CDK15: variants seen among roughly 807,000 people sequenced by gnomAD.
The protein encoded by CDK15 is cyclin dependent kinase 15.
Under a neutral mutation model 60.3 loss-of-function variants are expected in CDK15, and 62 were observed. The ratio of observed to expected loss-of-function variants is 1.03; its 90% confidence interval spans 0.84 to 1.27. The LOEUF is 1.27. Among genes scored for constraint, CDK15 ranks in the 50% most tolerant of loss-of-function variants. The pLI is 0.00. For missense variants in CDK15, 541 were observed against 527.8 expected, an observed-to-expected ratio of 1.03 and a Z score of -0.25; for synonymous variants, 194 against 195.7, an observed-to-expected ratio of 0.99 and a Z score of 0.07.
intron 6 of CDK15, 138 bp from the exon 7 acceptor site, chr2:201,833,710 C>CTTCTT: frequency 1.6e-6 from 1 of 617,480 alleles, no homozygotes; most frequent in Non-Finnish European, 2.4e-6. Flanking sequence ...TCTTCTTCTT[C>CTTCTT]TTCTTCTTTT....
intron 6 of CDK15, among the ~76,000 whole-genome samples, chr2:201,829,847 G>A (rs1263785034): frequency 3.3e-5 from 5 of 151,880 alleles, no homozygotes; most frequent in African/African-American, 1.2e-4. Context: ...TCGCTCTGCT[G>A]CCCAGGCTGG....
At chr2:201,853,596 AG>A (rs1698002601) in intron 9 of CDK15, among the ~76,000 whole-genome samples, 1 of 152,130 alleles carries the variant, frequency 6.6e-6, no homozygotes, top group Admixed American at 6.5e-5. Flanking sequence ...AAAGAGTTAT[AG>A]TGAGATATGC....
intron 10 of CDK15, among the ~76,000 whole-genome samples, chr2:201,864,348 C>T (rs1168539545): frequency 1.3e-5 from 2 of 152,138 alleles, no homozygotes; most frequent in African/African-American, 4.8e-5. Flanking sequence ...GATGAAGTCT[C>T]ACTCTGTCAC....
At chr2:201,873,184 C>T (rs1698923611) in intron 11 of CDK15, among the ~76,000 whole-genome samples, 1 of 152,162 alleles carries the variant, frequency 6.6e-6, no homozygotes, top group South Asian at 2.1e-4. Flanking sequence ...TAAAAAGCCT[C>T]CACGTAGAAT....
intron 13 of CDK15, among the ~76,000 whole-genome samples, chr2:201,893,066 G>A (rs1366751254): frequency 6.6e-6 from 1 of 152,128 alleles, no homozygotes; most frequent in Non-Finnish European, 1.5e-5. Flanking sequence ...AGTTGGTGGT[G>A]GTGAGTTACA....
chr2:201,808,021 GC>G, intron 3 of CDK15, 69 bp downstream of exon 3: 1 of 1,354,490 alleles, frequency 7.4e-7, no homozygotes, highest in Non-Finnish European at 1.0e-6. Context: ...ATATTATAAA[GC>G]CAGGTGAGAC....
At chr2:201,807,260 T>C (rs1389225185) in intron 1 of CDK15, among the ~76,000 whole-genome samples, 1 of 152,156 alleles carries the variant, frequency 6.6e-6, no homozygotes, top group Non-Finnish European at 1.5e-5. Context: ...AGATTTAGGT[T>C]AACCTGAATG....
At position 201,823,696 on chromosome 2, in the gene CDK15, A is replaced by G. The variant is rs753282798; in HGVS notation, c.575A>G (p.His192Arg). 1.2e-6 allele frequency: 2 copies of G among 1,613,934 alleles called. No homozygotes were observed. Among genetic ancestry groups the G allele is most frequent in the Non-Finnish European group, 1.7e-6 (2 of 1,179,908 alleles). Residue 192 changes from histidine to arginine, a missense_variant, in exon 6 of 14, where the codon CAT (histidine) becomes CGT (arginine). Coordinates refer to ENST00000652192, the MANE Select transcript of CDK15 (RefSeq NM_001366386.2). ...GACCTGGCCCAGTATATGTCTCAGC[A>G]TCCAGGAGGGCTTCATCCTCATAAT... is the stretch of plus-strand genomic sequence containing the variant. The part of the protein sequence containing the change: ...HTDLAQYMSQ[H>R]PGGLHPHNVR...
At chr2:201,811,262 T>C in intron 3 of CDK15, among the ~76,000 whole-genome samples, 1 of 151,774 alleles carries the variant, frequency 6.6e-6, no homozygotes, top group Non-Finnish European at 1.5e-5. Flanking sequence ...GCCATTCTCC[T>C]GCCTCAGCCT....
At chr2:201,889,833 T>G (rs1699580950) in intron 12 of CDK15, among the ~76,000 whole-genome samples, 1 of 152,028 alleles carries the variant, frequency 6.6e-6, no homozygotes, top group Non-Finnish European at 1.5e-5. Context: ...GTGGATCACC[T>G]GAGGTCAGGA....
chr2:201,886,950 A>G (rs894875839), intron 12 of CDK15, among the ~76,000 whole-genome samples: 1 of 152,250 alleles, frequency 6.6e-6, no homozygotes, highest in African/African-American at 2.4e-5. Context: ...CGGGAGCCAT[A>G]AAAATGATCA....
In CDK15 at chr2:201,872,340, CAGG is replaced by C; in HGVS notation, c.1058+16_1058+18del. On this transcript the variant is annotated intron_variant, in intron 11 of 13. Coordinates refer to ENST00000652192, the MANE Select transcript of CDK15 (RefSeq NM_001366386.2). ...TGTCTGGAACAGGTGAGTACTACCT[CAGG>C]AAGGGATCTTTAAGGGATCTTTAAG... The C allele has an allele frequency of 6.2e-7, 1 of 1,612,632 alleles. No homozygotes were observed. The highest frequency in any genetic ancestry group is 8.5e-7 in the Non-Finnish European group (1 of 1,178,966).
At chr2:201,859,966 C>A (rs901401441) in intron 10 of CDK15, among the ~76,000 whole-genome samples, 1 of 152,194 alleles carries the variant, frequency 6.6e-6, no homozygotes. Context: ...GTTGTCCAGT[C>A]ACCATCTCAT....
chr2:201,807,598 C>T lies in CDK15; in HGVS notation c.228C>T (p.Asn76=), dbSNP rs1559110679. The T allele has an allele frequency of 3.1e-6, 5 of 1,614,142 alleles. No individual in the cohort carries two copies. In the South Asian group the frequency reaches 5.5e-5, roughly 18 times the overall value. Residue 76 remains asparagine, a synonymous_variant, in exon 2 of 14, where the codon AAC becomes AAT. Transcript: ENST00000652192. ...QKFKSKRPRS[N]SDCFQEEDLR... is the part of the protein sequence containing the mutation. ...TCAAGAGTAAAAGGCCACGGAGTAA[C>T]AGTGATTGTTTTCAGGAAGAGGATC...
At chr2:201,876,799 T>C (rs1699096402) in intron 11 of CDK15, among the ~76,000 whole-genome samples, 1 of 152,088 alleles carries the variant, frequency 6.6e-6, no homozygotes, top group Non-Finnish European at 1.5e-5. Flanking sequence ...AAAAACCTGT[T>C]CTTATTTTAT....
rs1699725775 is a variant in CDK15 at position 201,894,551 on chromosome 2, G to A, written c.*1284G>A. On this transcript the variant is annotated 3_prime_UTR_variant, in exon 14 of 14. Transcript: ENST00000652192. ...GGTGTGCTACAAGGTTCAGTCTTGA[G>A]TCCTATTCTGGTCAAATATTTTTAT... 6.6e-6 allele frequency: 1 copy of A among 152,200 alleles called. No individual in the cohort carries two copies. The highest frequency in any genetic ancestry group is 1.5e-5 in the Non-Finnish European group (1 of 68,042). The allele number at this position is 152,200 out of a possible 1,614,324, so 9.4% of individuals were successfully genotyped here. A position where few individuals can be genotyped will look rare whatever the true frequency, so the allele number is the denominator to read the frequency against.
At chr2:201,840,087 C>T (rs1056441224) in intron 8 of CDK15, among the ~76,000 whole-genome samples, 7 of 151,964 alleles carry the variant, frequency 4.6e-5, no homozygotes, top group Non-Finnish European at 7.4e-5. Context: ...TGGGTTCAAG[C>T]GATTCTCCTG....
At chr2:201,824,852 C>T (rs1696395823) in intron 6 of CDK15, 1 of 607,856 alleles carries the variant, frequency 1.6e-6, no homozygotes, top group Non-Finnish European at 2.3e-6. Context: ...AGAAAAACCA[C>T]AGGCCCTTCC....
At chr2:201,862,420 T>C (rs898417891) in intron 10 of CDK15, among the ~76,000 whole-genome samples, 4 of 152,218 alleles carry the variant, frequency 2.6e-5, no homozygotes, top group Non-Finnish European at 4.4e-5. Context: ...AAGTAGTCAG[T>C]AGATATTTGT....
Sources: allele counts gnomAD v4.1 joint callset (sites outside exome capture counted in the v4.1 genomes callset), GRCh38; gene constraint gnomAD v4.1.1; transcripts MANE v1.5; gene names NCBI Gene and HGNC (gene_info 2026-07-23, HGNC 2026-07-21).